DIDO1: variants seen among roughly 807,000 people sequenced by gnomAD.
DIDO1 encodes death-inducer obliterator 1.
In DIDO1, 16 loss-of-function variants were observed where a neutral mutation model predicts 99.4. The observed-to-expected ratio is 0.16, with a 90% CI of 0.11 to 0.24. The LOEUF (loss-of-function observed/expected upper bound fraction) is 0.24. DIDO1 is among the 10% of genes least tolerant of loss of function. The pLI is 1.00. For missense variants in DIDO1, 2,996 were observed against 3,014.0 expected (o/e 0.99, Z 0.14); for synonymous variants, 1,366 against 1,239.1 (o/e 1.10, Z -2.15).
chr20:62,905,414 A>G (rs1600979415), intron 6 of DIDO1: 2 of 1,488,700 alleles, frequency 1.3e-6, no homozygotes, highest in Non-Finnish European at 1.8e-6. Context: ...CTAACTTGCA[A>G]AGATTCCCAC....
upstream of DIDO1, among the ~76,000 whole-genome samples, chr20:62,929,695 G>GATATATATATATATATATA (rs2065308341): frequency 1.0e-5 from 1 of 97,968 alleles, no homozygotes; most frequent in Admixed American, 1.0e-4. Context: ...AAGAAAAAGT[G>GATATATATATATATATATA]TATATATATA....
rs935137494 is a variant in DIDO1 at position 62,895,000 on chromosome 20, T to G, written c.2331+49A>C. On this transcript the variant is annotated intron_variant, in intron 9 of 15. Transcript: ENST00000395343. This position sits in a 1 kb window ranked among gnomAD's most constrained non-coding sequence, Gnocchi z 4.4. The stretch of plus-strand genomic sequence containing the variant: ...ATGCAGCCGTCTATGAATTTATTTC[T>G]ATTAAGCTCGAGTCCTGGGTGCCTC... 7 of 1,597,228 alleles carry G rather than the reference T, an allele frequency of 4.4e-6. No homozygotes were observed. The highest frequency in any genetic ancestry group is 1.1e-5 in the South Asian group (1 of 90,644).
In DIDO1 at chr20:62,894,854, C is replaced by T. The variant is rs973794445; in HGVS notation, c.2392G>A (p.Ala798Thr). ...ESKKTAPRQEAIPDLEDSPPV... is the reference protein window; with the variant it reads ...ESKKTAPRQETIPDLEDSPPV... ...GGAGAGTCCTCCAGATCGGGGATGG[C>T]CTCCTGCCTGGGGGCCGTCTTCTTG... Residue 798 changes from alanine to threonine, a missense_variant, in exon 10 of 16, where the codon GCC becomes ACC. Transcript: ENST00000395343. This position sits in a 1 kb window ranked among gnomAD's most constrained non-coding sequence, Gnocchi z 4.4. The T allele has an allele frequency of 6.2e-7, 1 of 1,614,124 alleles. No individual in the cohort carries two copies. The highest frequency in any genetic ancestry group is 1.7e-5 in the Admixed American group (1 of 60,010).
chr20:62,905,646 C>T lies in DIDO1; in HGVS notation c.1588+241G>A, dbSNP rs764466784. On this transcript the variant is annotated intron_variant, in intron 6 of 15. Transcript: ENST00000395343. ...TTAAAGAATCAATCATTAAGGTGAACGTTCACCAGTGAGGTTTACAGCTTT... is the reference window on the plus strand; with the variant it reads ...TTAAAGAATCAATCATTAAGGTGAATGTTCACCAGTGAGGTTTACAGCTTT... 5.1e-4 allele frequency: 799 copies of T among 1,568,148 alleles called. 1 individual carries two copies. The highest frequency in any genetic ancestry group is 6.5e-4 in the Non-Finnish European group (750 of 1,156,570).
Position 62,878,914 on chromosome 20 carries a change from A to C in DIDO1, c.*319T>G. The C allele has an allele frequency of 4.3e-6, 1 of 230,312 alleles. No individual in the cohort carries two copies. The highest frequency in any genetic ancestry group is 8.3e-6 in the Non-Finnish European group (1 of 119,962). The allele number at this position is 230,312 out of a possible 1,614,324, so 14.3% of individuals were successfully genotyped here. ...GAGATGTCAGTGAAGGTATGGCTCT[A>C]GGGTCCAACGAAACTCCCTTAAAAT... On this transcript the variant is annotated 3_prime_UTR_variant, in exon 16 of 16. Coordinates refer to ENST00000395343, the MANE Select transcript of DIDO1 (RefSeq NM_001193369.2).
In DIDO1 at chr20:62,907,241, T is replaced by C; in HGVS notation, c.1280A>G (p.Lys427Arg). Residue 427 changes from lysine (K) to arginine (R), a missense_variant, in exon 5 of 16, where the codon AAG (lysine) becomes AGG (arginine). Lys to Arg is a conservative substitution (Grantham distance 26, BLOSUM62 2). Around this residue, in one of 5 missense-constraint regions of DIDO1, gnomAD observed 898 missense variants for 972.7 expected, o/e 0.92. Coordinates refer to ENST00000395343, the MANE Select transcript of DIDO1 (RefSeq NM_001193369.2). ...CTGTTCTTTACCTGAGCTTAGAAACTTCATTGTCGCTGCGGCGTGTTTGAG... is the reference window on the plus strand; with the variant it reads ...CTGTTCTTTACCTGAGCTTAGAAACCTCATTGTCGCTGCGGCGTGTTTGAG... ...CILKHAAATM[K>R]FLSSGKEQKP... 6.2e-7 allele frequency: 1 copy of C among 1,614,264 alleles called. No individual in the cohort carries two copies. Among genetic ancestry groups the C allele is most frequent in the Non-Finnish European group, 8.5e-7 (1 of 1,180,052 alleles).
intron 15 of DIDO1, chr20:62,889,303 C>A (rs999461841): frequency 1.0e-6 from 1 of 985,492 alleles, no homozygotes; most frequent in Admixed American, 6.1e-5. Context: ...CCTCCCTGGG[C>A]CCCGTCACTG....
chr20:62,918,612 C>T (rs1002022557), intron 1 of DIDO1, among the ~76,000 whole-genome samples: 3 of 152,244 alleles, frequency 2.0e-5, no homozygotes, highest in African/African-American at 7.2e-5. Context: ...GCATAGTTTA[C>T]CTCACCTAGT....
chr20:62,896,926 TGGA>T lies in DIDO1; in HGVS notation c.1656_1658del (p.Pro553del). 6.2e-7 allele frequency: 1 copy of T among 1,614,032 alleles called. No individual in the cohort carries two copies. The highest frequency in any genetic ancestry group is 8.5e-7 in the Non-Finnish European group (1 of 1,179,942). On this transcript the variant is annotated inframe_deletion, in exon 7 of 16. Transcript: ENST00000395343. The surrounding 1 kb of genome is among the most constrained non-coding windows in gnomAD (Gnocchi z 4.4). ...CAGGCTGCTTGCCCACCGCGGAGCC[TGGA>T]GGGGCTGTTTTCTTTGAGGCTGCCA...
chr20:62,907,735 C>T (rs1267469579), intron 4 of DIDO1, among the ~76,000 whole-genome samples: 1 of 152,246 alleles, frequency 6.6e-6, no homozygotes, highest in Non-Finnish European at 1.5e-5. Flanking sequence ...ACTGGGATGA[C>T]TGCAAGTCAA....
chr20:62,895,007 C>T (rs1414524633), intron 9 of DIDO1, 42 bp downstream of exon 9: 1 of 1,597,792 alleles, frequency 6.3e-7, no homozygotes, highest in South Asian at 1.1e-5. Flanking sequence ...TTCTATTAAG[C>T]TCGAGTCCTG....
In DIDO1 at chr20:62,889,666, C is replaced by T. The variant is rs569266595; in HGVS notation, c.3541+1294G>A. On this transcript the variant is annotated intron_variant, in intron 15 of 15. Transcript: ENST00000395343. ...GCCGGGCTTTTCCTCTCCCTGGTCA[C>T]GTGGAGCTGGCCAGAGCTCTTCACA... 57 of 985,370 alleles carry T rather than the reference C, an allele frequency of 5.8e-5. No homozygotes were observed. In the Middle Eastern group the frequency reaches 1.6e-3, roughly 27 times the overall value. The allele number at this position is 985,370 out of a possible 1,614,324, so 61.0% of individuals were successfully genotyped here.
chr20:62,897,134 T>G, intron 6 of DIDO1, 138 bp from the exon 7 acceptor site: 2 of 794,472 alleles, frequency 2.5e-6, no homozygotes, highest in Non-Finnish European at 3.9e-6. Context: ...GAGAAAAGGA[T>G]TTGTAAAATG....
chr20:62,890,024 G>A, intron 15 of DIDO1: 1 of 985,596 alleles, frequency 1.0e-6, no homozygotes, highest in Non-Finnish European at 1.2e-6. Flanking sequence ...ACCCCAGCTA[G>A]CTAGGGTGCG....
intron 6 of DIDO1, among the ~76,000 whole-genome samples, chr20:62,902,959 A>G (rs1178294573): frequency 2.0e-5 from 3 of 152,182 alleles, no homozygotes; most frequent in Admixed American, 6.5e-5. Flanking sequence ...TTCCATCTCA[A>G]AATTCTAGTC....
chr20:62,905,395 G>A (rs1320850999), intron 6 of DIDO1: 1 of 1,463,858 alleles, frequency 6.8e-7, no homozygotes, highest in Non-Finnish European at 9.0e-7. Flanking sequence ...CTGAAAATCA[G>A]ATGCAACACT....
Position 62,893,972 on chromosome 20 carries a change from G to A in DIDO1, c.2795C>T (p.Pro932Leu). The A allele has an allele frequency of 6.2e-7, 1 of 1,613,324 alleles. No homozygotes were observed. Among genetic ancestry groups the A allele is most frequent in the Non-Finnish European group, 8.5e-7 (1 of 1,179,362 alleles). ...GGGCTCGGGATGGCCATCTCCTGGA[G>A]GCCCAGGGAAATACGTTCTGTCCAC... ...PNVDRTYFPG[P>L]PGDGHPEPSP... Residue 932 changes from proline (P) to leucine (L), a missense_variant, in exon 12 of 16, where the codon CCT (proline) becomes CTT (leucine). Around this residue, in one of 5 missense-constraint regions of DIDO1, gnomAD observed 898 missense variants for 972.7 expected, o/e 0.92. Coordinates refer to ENST00000395343, the MANE Select transcript of DIDO1 (RefSeq NM_001193369.2).
chr20:62,929,692 A>AAAAAAAAAAAAAAAATATATATATATAT, upstream of DIDO1, among the ~76,000 whole-genome samples: 10 of 63,710 alleles, frequency 1.6e-4, no homozygotes, highest in African/African-American at 7.6e-4. Context: ...AAAAAGAAAA[A>AAAAAAAAAAAAAAAATATATATATATAT]GTGTATATAT....
chr20:62,890,101 CAG>C (rs1228884963), intron 15 of DIDO1: 4 of 985,586 alleles, frequency 4.1e-6, no homozygotes, highest in African/African-American at 1.7e-5. Context: ...GGCCTGGTGA[CAG>C]GGACAGAGGG....
Sources: gnomAD v4.1 joint callset for allele counts (sites outside exome capture counted in the v4.1 genomes callset) on GRCh38, gnomAD v4.1.1 for gene constraint, gnomAD v4.1.1 regional missense constraint, Gnocchi (gnomAD v3.1) non-coding constraint, MANE v1.5 for transcripts, NCBI Gene and HGNC (gene_info 2026-07-23, HGNC 2026-07-21) for gene names.